The following PRKCH variants were observed in gnomAD, a reference collection of about 807,000 sequenced individuals.
PRKCH encodes protein kinase C eta.
Under a neutral mutation model 82.5 loss-of-function variants are expected in PRKCH, and 28 were observed. The observed-to-expected ratio is 0.34, with a 90% CI of 0.25 to 0.47. The LOEUF is 0.47. Among genes scored for constraint, PRKCH ranks in the 20% least tolerant of loss-of-function variants. PRKCH has a pLI of 1.00. For synonymous variants in PRKCH, 322 were observed against 327.4 expected (o/e 0.98, Z 0.18); for missense variants, 705 against 881.8 (o/e 0.80, Z 2.54).
chr14:61,396,923 G>T (rs2046794025), intron 2 of PRKCH, among the ~76,000 whole-genome samples: 2 of 152,192 alleles, frequency 1.3e-5, no homozygotes, highest in South Asian at 4.1e-4. Flanking sequence ...AGGGTGCCAG[G>T]TCAGACAATA....
chr14:61,397,676 T>A (rs1463334108), intron 2 of PRKCH, among the ~76,000 whole-genome samples: 1 of 152,230 alleles, frequency 6.6e-6, no homozygotes, highest in Non-Finnish European at 1.5e-5. Context: ...CAGGGACTGT[T>A]TCACCAGATT....
At chr14:61,476,303 A>G (rs1032278931) in intron 9 of PRKCH, 1 of 152,188 alleles carries the variant, frequency 6.6e-6, no homozygotes, top group African/African-American at 2.4e-5. Flanking sequence ...AAGATATCTC[A>G]CTTAGTATCT....
intron 1 of PRKCH, among the ~76,000 whole-genome samples, chr14:61,359,711 G>A (rs561337447): frequency 2.2e-4 from 33 of 152,238 alleles, no homozygotes; most frequent in Non-Finnish European, 4.1e-4. Context: ...GAAAAGCTCG[G>A]GACATTTTAG....
intron 1 of PRKCH, chr14:61,279,834 AT>A (rs2045239388): frequency 2.1e-6 from 1 of 487,780 alleles, no homozygotes; most frequent in Non-Finnish European, 3.7e-6. Context: ...AGAACCTCAC[AT>A]GGCAACTCAG....
At chr14:61,229,086 T>C (rs1566787608) in intron 1 of PRKCH, among the ~76,000 whole-genome samples, 1 of 152,060 alleles carries the variant, frequency 6.6e-6, no homozygotes, top group Non-Finnish European at 1.5e-5. Context: ...GACAGTAGCA[T>C]AAATATTTAG....
At chr14:61,354,823 A>AT (rs1336338078) in intron 1 of PRKCH, among the ~76,000 whole-genome samples, 1 of 152,190 alleles carries the variant, frequency 6.6e-6, no homozygotes, top group Non-Finnish European at 1.5e-5. Flanking sequence ...AGATTACTTC[A>AT]TTTTTGCCTT....
At chr14:61,535,816 C>A (rs2043100417) in intron 12 of PRKCH, among the ~76,000 whole-genome samples, 1 of 152,136 alleles carries the variant, frequency 6.6e-6, no homozygotes, top group African/African-American at 2.4e-5. Context: ...TCAAATTAAT[C>A]CAGGAGTTGT....
Position 61,432,922 on chromosome 14 carries a change from A to AG in PRKCH, c.428-10188dup, listed in dbSNP as rs1170715480. Among the ~76,000 whole-genome samples, 7 of 2,380 alleles carry AG rather than the reference A, an allele frequency of 2.9e-3. No homozygotes were observed. The Non-Finnish European group carries it at 0.03, about 10-fold the overall frequency. 1.6% of individuals were successfully genotyped at this position (2,380 alleles called of 152,430 possible). A position where few individuals can be genotyped will look rare whatever the true frequency, so the allele number is the denominator to read the frequency against. On this transcript the variant is annotated intron_variant, in intron 2 of 13. Transcript: ENST00000332981. ...CTTTATTTCTTCTTAATAAAAAAAAAGTGGGGGGGATACATGTGCAGAGCG... is the reference window on the plus strand; with the variant it reads ...CTTTATTTCTTCTTAATAAAAAAAAAGGTGGGGGGGATACATGTGCAGAGCG...
At chr14:61,248,794 A>ATGTG (rs879264781) in intron 1 of PRKCH, among the ~76,000 whole-genome samples, 4 of 4,308 alleles carry the variant, frequency 9.3e-4, no homozygotes, top group Non-Finnish European at 2.2e-3. Context: ...GTATGTATGT[A>ATGTG]TGTATGTGTG....
chr14:61,235,449 C>T (rs1341663711), intron 1 of PRKCH, among the ~76,000 whole-genome samples: 1 of 152,226 alleles, frequency 6.6e-6, no homozygotes, highest in Admixed American at 6.5e-5. Context: ...TCATTTAGGA[C>T]TATCAAACAA....
At chr14:61,383,329 A>G (rs968696071) in intron 1 of PRKCH, among the ~76,000 whole-genome samples, 10 of 152,112 alleles carry the variant, frequency 6.6e-5, no homozygotes, top group African/African-American at 2.4e-4. Context: ...CTCAGCAGAT[A>G]TGTATTGAGT....
At chr14:61,381,672 C>A (rs541264295) in intron 1 of PRKCH, among the ~76,000 whole-genome samples, 2 of 152,368 alleles carry the variant, frequency 1.3e-5, no homozygotes, top group South Asian at 2.1e-4. Flanking sequence ...CGCCTCGGGC[C>A]CTCATTGAGA....
intron 10 of PRKCH, chr14:61,525,342 A>G (rs558465061): frequency 9.8e-5 from 15 of 152,324 alleles, no homozygotes; most frequent in Admixed American, 2.6e-4. Flanking sequence ...AGCACTTGGT[A>G]TGAGAACAGC....
At chr14:61,395,617 G>A (rs1452311102) in intron 2 of PRKCH, among the ~76,000 whole-genome samples, 1 of 152,138 alleles carries the variant, frequency 6.6e-6, no homozygotes, top group African/African-American at 2.4e-5. Context: ...AAGGTCAGAT[G>A]ATATAATATA....
intron 1 of PRKCH, among the ~76,000 whole-genome samples, chr14:61,201,496 TATAA>T (rs2044481285): frequency 6.6e-6 from 1 of 152,180 alleles, no homozygotes; most frequent in African/African-American, 2.4e-5. Flanking sequence ...AGAATTATTC[TATAA>T]ATAAAGCATG....
chr14:61,188,598 G>GTC (rs1212950113), intron 1 of PRKCH, among the ~76,000 whole-genome samples: 8,646 of 71,338 alleles, frequency 0.12, 1,823 homozygotes, highest in Admixed American at 0.2. Flanking sequence ...TCGGGGGGGT[G>GTC]GGGGGGTGGT....
At chr14:61,451,080 T>G (rs919348117) in intron 6 of PRKCH, 109 bp downstream of exon 6, 3 of 1,325,208 alleles carry the variant, frequency 2.3e-6, no homozygotes, top group East Asian at 5.0e-5. Flanking sequence ...GTTTTAGATA[T>G]GTTGTAAATC....
intron 1 of PRKCH, among the ~76,000 whole-genome samples, chr14:61,301,852 C>T (rs758582026): frequency 6.6e-6 from 1 of 152,246 alleles, no homozygotes; most frequent in South Asian, 2.1e-4. Flanking sequence ...AAAAGAAGTA[C>T]ATATCTTAAA....
chr14:61,540,515 G>A (rs1422921760), intron 12 of PRKCH, among the ~76,000 whole-genome samples: 1 of 152,094 alleles, frequency 6.6e-6, no homozygotes, highest in African/African-American at 2.4e-5. Flanking sequence ...GTTACAGATG[G>A]GTCTGTTTCT....
Sources: gnomAD v4.1 joint callset for allele counts (sites outside exome capture counted in the v4.1 genomes callset) on GRCh38, gnomAD v4.1.1 for gene constraint, MANE v1.5 for transcripts, NCBI Gene and HGNC (gene_info 2026-07-23, HGNC 2026-07-21) for gene names.